The following GRM3 variants were observed in gnomAD, a reference collection of about 807,000 sequenced individuals.
The protein encoded by GRM3 is metabotropic glutamate receptor 3.
GRM3 carries 26 observed loss-of-function variants against 70.5 expected under a neutral mutation model. That is an observed-to-expected ratio of 0.37 (90% confidence interval 0.27 to 0.51). GRM3 has a LOEUF of 0.51. Among genes scored for constraint, GRM3 ranks in the 20% least tolerant of loss-of-function variants. The pLI, the probability that GRM3 is intolerant of heterozygous loss-of-function variation, is 0.93. For synonymous variants in GRM3, 443 were observed against 434.9 expected, an observed-to-expected ratio of 1.02 and a Z score of -0.23; for missense variants, 859 against 1,123.8, an observed-to-expected ratio of 0.76 and a Z score of 3.37.
chr7:86,819,373 T>A (rs989134589), intron 3 of GRM3, among the ~76,000 whole-genome samples: 1 of 152,136 alleles, frequency 6.6e-6, no homozygotes, highest in Admixed American at 6.6e-5. Context: ...TTTATTCCAA[T>A]TGATGTCCTA....
At chr7:86,753,096 A>G (rs1796267151) in intron 1 of GRM3, among the ~76,000 whole-genome samples, 1 of 152,064 alleles carries the variant, frequency 6.6e-6, no homozygotes, top group Non-Finnish European at 1.5e-5. Flanking sequence ...CACAGCCAGC[A>G]GTTCCCCAAG....
intron 5 of GRM3, among the ~76,000 whole-genome samples, chr7:86,863,056 C>G (rs1275224188): frequency 6.6e-6 from 1 of 152,082 alleles, no homozygotes; most frequent in Non-Finnish European, 1.5e-5. Context: ...TACAAATAGA[C>G]AGGCCAAGGG....
rs756187599 is a variant in GRM3 at position 86,765,544 on chromosome 7, C to T, written c.399C>T (p.Ala133=). 5.0e-6 allele frequency: 8 copies of T among 1,613,542 alleles called. No homozygotes were observed. Among genetic ancestry groups the T allele is most frequent in the Non-Finnish European group, 6.8e-6 (8 of 1,179,608 alleles). ...AEYMCPDGSY[A]IQENIPLLIA... is the part of the protein sequence containing the mutation. Reference sequence around the variant, plus strand: ...ATATGTGTCCTGATGGATCCTATGCCATTCAAGAAAACATCCCACTTCTCA... The same window carrying T: ...ATATGTGTCCTGATGGATCCTATGCTATTCAAGAAAACATCCCACTTCTCA... Residue 133 remains alanine, a synonymous_variant, in exon 2 of 6, where the codon GCC becomes GCT. Transcript: ENST00000361669.
chr7:86,650,652 G>A (rs1401854225), intron 1 of GRM3, among the ~76,000 whole-genome samples: 1 of 152,172 alleles, frequency 6.6e-6, no homozygotes, highest in East Asian at 1.9e-4. Context: ...AAATGAACAA[G>A]CTGAGAAATA....
intron 1 of GRM3, among the ~76,000 whole-genome samples, chr7:86,712,223 A>G (rs1381643379): frequency 6.6e-6 from 1 of 151,966 alleles, no homozygotes; most frequent in Non-Finnish European, 1.5e-5. Flanking sequence ...GAACCACTGT[A>G]GCTGTATTTG....
rs148670225 is a variant in GRM3 at position 86,659,343 on chromosome 7, T to C, written c.-141+14471T>C. The stretch of plus-strand genomic sequence containing the variant: ...TACATATGCCAGGCACCGTTCCTTT[T>C]GCTTTATCTATGTTAACTCATTTAA... On this transcript the variant is annotated intron_variant, in intron 1 of 5. Transcript: ENST00000361669. Among the ~76,000 whole-genome samples, 516 of 152,308 alleles carry C rather than the reference T, an allele frequency of 3.4e-3. 5 individuals carry two copies. The highest frequency in any genetic ancestry group is 5.0e-3 in the Non-Finnish European group (338 of 68,000).
intron 1 of GRM3, among the ~76,000 whole-genome samples, chr7:86,654,646 C>T (rs1458386092): frequency 1.3e-5 from 2 of 152,130 alleles, no homozygotes; most frequent in Non-Finnish European, 2.9e-5. Context: ...CTGTTTAGTC[C>T]TCTGTTGATT....
chr7:86,769,158 T>C (rs544452265), intron 2 of GRM3, among the ~76,000 whole-genome samples: 35 of 152,242 alleles, frequency 2.3e-4, no homozygotes, highest in African/African-American at 8.4e-4. Context: ...ATTCTGGTCA[T>C]ACACCTGGTG....
intron 3 of GRM3, among the ~76,000 whole-genome samples, chr7:86,824,845 C>T (rs1382019655): frequency 6.7e-6 from 1 of 148,404 alleles, no homozygotes; most frequent in Admixed American, 6.8e-5. Context: ...TAGATAGATA[C>T]ACCCATAAGG....
chr7:86,702,167 C>A (rs1794959811), intron 1 of GRM3, among the ~76,000 whole-genome samples: 1 of 152,016 alleles, frequency 6.6e-6, no homozygotes, highest in Admixed American at 6.6e-5. Flanking sequence ...ACTAAGCTTA[C>A]CTGAGTGTAA....
At chr7:86,781,436 A>G (rs144449919) in intron 2 of GRM3, among the ~76,000 whole-genome samples, 1 of 152,202 alleles carries the variant, frequency 6.6e-6, no homozygotes, top group Non-Finnish European at 1.5e-5. Flanking sequence ...TGAATTTTGC[A>G]TTTATAATTT....
intron 3 of GRM3, among the ~76,000 whole-genome samples, chr7:86,801,255 G>A (rs988432422): frequency 6.6e-5 from 10 of 151,754 alleles, no homozygotes; most frequent in Admixed American, 2.0e-4. Context: ...ATTTTTAGTC[G>A]AGACGGGGTT....
chr7:86,729,825 C>T (rs1345988712), intron 1 of GRM3, among the ~76,000 whole-genome samples: 8 of 152,144 alleles, frequency 5.3e-5, no homozygotes, highest in East Asian at 1.9e-4. Flanking sequence ...TGGCATAACT[C>T]GGCCGGGCGC....
chr7:86,648,703 G>T (rs1184624107), intron 1 of GRM3, among the ~76,000 whole-genome samples: 3 of 151,768 alleles, frequency 2.0e-5, no homozygotes, highest in Non-Finnish European at 4.4e-5. Flanking sequence ...CATATGTGAA[G>T]GTTACTTTAA....
At chr7:86,663,607 T>C (rs908968837) in intron 1 of GRM3, among the ~76,000 whole-genome samples, 4 of 151,970 alleles carry the variant, frequency 2.6e-5, no homozygotes, top group African/African-American at 9.7e-5. Context: ...TTCAACTGAA[T>C]TATGTCTTTT....
intron 1 of GRM3, among the ~76,000 whole-genome samples, chr7:86,651,311 C>G (rs2115774095): frequency 6.6e-6 from 1 of 152,324 alleles, no homozygotes; most frequent in South Asian, 2.1e-4. Flanking sequence ...ACAGATATCA[C>G]AGATCGCCCC....
At position 86,787,024 on chromosome 7, in the gene GRM3, T is replaced by A. The variant is rs780344663; in HGVS notation, c.1232T>A (p.Leu411His). Residue 411 changes from leucine (L) to histidine (H), a missense_variant, in exon 3 of 6, where the codon CTC (leucine) becomes CAC (histidine). Physicochemically the swap from Leu to His is moderately conservative, Grantham distance 99. Transcript: ENST00000361669. ...GCTTTGCACAAAATGCAGCGCACCCTCTGTCCCAACACTACCAAGCTTTGT... is the reference window on the plus strand; with the variant it reads ...GCTTTGCACAAAATGCAGCGCACCCACTGTCCCAACACTACCAAGCTTTGT... ...AHALHKMQRTLCPNTTKLCDA... is the reference protein window; with the variant it reads ...AHALHKMQRTHCPNTTKLCDA... The A allele has an allele frequency of 5.6e-6, 9 of 1,613,520 alleles. No homozygotes were observed. Among genetic ancestry groups the A allele is most frequent in the African/African-American group, 1.3e-5 (1 of 74,910 alleles).
chr7:86,772,919 C>T (rs938508178), intron 2 of GRM3, among the ~76,000 whole-genome samples: 2 of 152,042 alleles, frequency 1.3e-5, no homozygotes, highest in African/African-American at 2.4e-5. Context: ...GTGATTAAAA[C>T]TCTGTGCAGA....
intron 3 of GRM3, among the ~76,000 whole-genome samples, chr7:86,831,790 C>T (rs1038432621): frequency 1.9e-4 from 17 of 89,506 alleles, no homozygotes; most frequent in African/African-American, 8.2e-4. Context: ...GTCATAGCAC[C>T]GTTAAAAAAA....
Sources: gnomAD v4.1 joint callset for allele counts (sites outside exome capture counted in the v4.1 genomes callset) on GRCh38, gnomAD v4.1.1 for gene constraint, MANE v1.5 for transcripts, NCBI Gene and HGNC (gene_info 2026-07-23, HGNC 2026-07-21) for gene names.